The following ARNT2 variants were observed in gnomAD, a reference collection of about 807,000 sequenced individuals.
ARNT2 encodes ARNT protein 2.
In ARNT2, 36 loss-of-function variants were observed where a neutral mutation model predicts 91.7. The ratio of observed to expected loss-of-function variants is 0.39; its 90% CI spans 0.30 to 0.52. The LOEUF (loss-of-function observed/expected upper bound fraction) is 0.52, where lower values mean the gene tolerates loss of function less well. ARNT2 is among the 20% of genes least tolerant of loss of function. The probability of loss-of-function intolerance (pLI) is 0.72; values close to 1 mark genes in which losing one functional copy is unlikely to be tolerated. For missense variants in ARNT2, 775 were observed against 939.3 expected (o/e 0.83, Z 2.29); for synonymous variants, 365 against 347.1 (o/e 1.05, Z -0.57).
chr15:80,505,128 A>G (rs1277202470), intron 5 of ARNT2, among the ~76,000 whole-genome samples: 1 of 152,198 alleles, frequency 6.6e-6, no homozygotes, highest in Non-Finnish European at 1.5e-5. Flanking sequence ...ACTTTTATGT[A>G]TGTTGTATCA....
intron 5 of ARNT2, among the ~76,000 whole-genome samples, chr15:80,496,552 C>G (rs1031809912): frequency 1.3e-5 from 2 of 152,190 alleles, no homozygotes; most frequent in Admixed American, 6.5e-5. Flanking sequence ...ATACATGTAG[C>G]CTGCCATTCA....
chr15:80,522,593 G>T (rs938465607), intron 8 of ARNT2, among the ~76,000 whole-genome samples: 1 of 152,138 alleles, frequency 6.6e-6, no homozygotes, highest in Non-Finnish European at 1.5e-5. Flanking sequence ...GCATGTTATT[G>T]TACTGAATAT....
At chr15:80,489,008 T>A (rs928348935) in intron 5 of ARNT2, among the ~76,000 whole-genome samples, 9 of 152,216 alleles carry the variant, frequency 5.9e-5, no homozygotes, top group African/African-American at 1.7e-4. Flanking sequence ...AGTATTTTTT[T>A]AGGCAGATAT....
intron 5 of ARNT2, among the ~76,000 whole-genome samples, chr15:80,492,583 G>C (rs1468659866): frequency 6.6e-6 from 1 of 152,060 alleles, no homozygotes; most frequent in Non-Finnish European, 1.5e-5. Flanking sequence ...TGTCTCCTCT[G>C]TCAGCTCAGT....
At chr15:80,451,634 C>A (rs530487517) in intron 2 of ARNT2, among the ~76,000 whole-genome samples, 12 of 152,198 alleles carry the variant, frequency 7.9e-5, no homozygotes, top group Admixed American at 7.8e-4. Flanking sequence ...AACCAACCAA[C>A]CAACCAACTA....
intron 5 of ARNT2, among the ~76,000 whole-genome samples, chr15:80,490,776 G>A (rs1897045373): frequency 2.6e-5 from 4 of 152,382 alleles, no homozygotes; most frequent in Middle Eastern, 3.4e-3. Context: ...ATCAGCACAA[G>A]TCACTGCACT....
chr15:80,553,098 C>A (rs569692025), intron 10 of ARNT2, among the ~76,000 whole-genome samples: 1 of 152,306 alleles, frequency 6.6e-6, no homozygotes, highest in East Asian at 1.9e-4. Flanking sequence ...ATGTGGAAGA[C>A]CCTGCAAATC....
chr15:80,570,319 T>C (rs1245643269), intron 12 of ARNT2, among the ~76,000 whole-genome samples: 1 of 152,198 alleles, frequency 6.6e-6, no homozygotes, highest in Admixed American at 6.5e-5. Flanking sequence ...ACTTTCCTCA[T>C]ATGTCTCAGT....
At chr15:80,521,238 G>T (rs537371314) in intron 8 of ARNT2, among the ~76,000 whole-genome samples, 1 of 152,160 alleles carries the variant, frequency 6.6e-6, no homozygotes, top group Non-Finnish European at 1.5e-5. Flanking sequence ...AGTCATATTT[G>T]CTTCAGACTC....
At chr15:80,425,016 G>A (rs552026333) in intron 1 of ARNT2, among the ~76,000 whole-genome samples, 4 of 152,320 alleles carry the variant, frequency 2.6e-5, no homozygotes, top group South Asian at 2.1e-4. Flanking sequence ...GTCAACAAAC[G>A]AATTACTAAA....
chr15:80,457,157 A>C (rs149063627), intron 2 of ARNT2, among the ~76,000 whole-genome samples: 333 of 152,286 alleles, frequency 2.2e-3, no homozygotes, highest in African/African-American at 7.5e-3. Context: ...TGATTTTTTG[A>C]GAAGAGTTTG....
intron 1 of ARNT2, among the ~76,000 whole-genome samples, chr15:80,406,225 G>A (rs75809369): frequency 0.13 from 20,006 of 152,164 alleles, 1,529 homozygotes; most frequent in East Asian, 0.17. Flanking sequence ...AAGGTGAAGA[G>A]CCTGTGTAAT....
chr15:80,586,404 G>C (rs1005597032), intron 17 of ARNT2, among the ~76,000 whole-genome samples: 2 of 152,076 alleles, frequency 1.3e-5, no homozygotes, highest in Non-Finnish European at 2.9e-5. Flanking sequence ...AGATCAGGTC[G>C]ATACAGATTA....
At chr15:80,464,746 C>T (rs1177201827) in intron 3 of ARNT2, among the ~76,000 whole-genome samples, 2 of 152,230 alleles carry the variant, frequency 1.3e-5, no homozygotes, top group African/African-American at 4.8e-5. Context: ...TTCTGGCCTT[C>T]ATGGCTCTTA....
At chr15:80,474,771 A>G (rs569980810) in intron 4 of ARNT2, among the ~76,000 whole-genome samples, 1 of 152,060 alleles carries the variant, frequency 6.6e-6, no homozygotes, top group African/African-American at 2.4e-5. Flanking sequence ...TTCTCTCCCC[A>G]ACAAAGGACT....
chr15:80,444,063 C>T (rs183300970), intron 1 of ARNT2, among the ~76,000 whole-genome samples: 6 of 152,314 alleles, frequency 3.9e-5, no homozygotes, highest in East Asian at 3.9e-4. Context: ...GTGGCAAACC[C>T]TCAGCTGCAT....
chr15:80,443,359 A>C (rs1403433177), intron 1 of ARNT2, among the ~76,000 whole-genome samples: 2 of 152,172 alleles, frequency 1.3e-5, no homozygotes, highest in East Asian at 3.9e-4. Context: ...AGGAAAGAAA[A>C]TGTGTTAGAA....
intron 4 of ARNT2, among the ~76,000 whole-genome samples, chr15:80,474,422 G>A (rs1304378730): frequency 6.6e-6 from 1 of 152,146 alleles, no homozygotes; most frequent in Non-Finnish European, 1.5e-5. Context: ...GTCAGTTCTG[G>A]AAATCTGACA....
intron 5 of ARNT2, among the ~76,000 whole-genome samples, chr15:80,501,213 A>G (rs188443737): frequency 6.6e-6 from 1 of 152,320 alleles, no homozygotes; most frequent in Admixed American, 6.5e-5. Context: ...TGGCCATAGG[A>G]AAAACCTGGA....
Sources: allele counts gnomAD v4.1 joint callset (sites outside exome capture counted in the v4.1 genomes callset), GRCh38; gene constraint gnomAD v4.1.1; transcripts MANE v1.5; gene names NCBI Gene and HGNC (gene_info 2026-07-23, HGNC 2026-07-21).